Variants in CDKL5 observed in about 807,000 individuals in gnomAD.
CDKL5 encodes cyclin dependent kinase like 5.
CDKL5 carries 8 observed loss-of-function variants against 61.7 expected under a neutral mutation model. The observed-to-expected ratio is 0.13, with a 90% confidence interval of 0.08 to 0.23. The LOEUF is 0.23. CDKL5 is among the 10% of genes least tolerant of loss of function. CDKL5 has a pLI of 1.00. For missense variants in CDKL5, 440 were observed against 734.5 expected, an observed-to-expected ratio of 0.60 and a Z score of 4.63; for synonymous variants, 275 against 272.3, an observed-to-expected ratio of 1.01 and a Z score of -0.10.
At chrX:18,593,683 A>T (rs1925898259) in intron 9 of CDKL5, among the ~76,000 whole-genome samples, 1 of 111,861 alleles carries the variant, frequency 8.9e-6, no homozygotes, top group Non-Finnish European at 1.9e-5. Context: ...GAACTTTCTG[A>T]TTGTCACCTT....
At chrX:18,438,754 C>T (rs1412786863) in intron 1 of CDKL5, among the ~76,000 whole-genome samples, 3 of 101,439 alleles carry the variant, frequency 3.0e-5, no homozygotes, top group African/African-American at 1.1e-4. Context: ...TGCACCACTG[C>T]CCTCCAGCCT....
chrX:18,450,775 A>G (rs916939416), intron 1 of CDKL5, among the ~76,000 whole-genome samples: 4 of 110,326 alleles, frequency 3.6e-5, no homozygotes, highest in Non-Finnish European at 7.6e-5. Context: ...GCGTTTCACC[A>G]TGTTGGCCAG....
intron 10 of CDKL5, among the ~76,000 whole-genome samples, chrX:18,595,645 C>A (rs759316269): frequency 2.7e-5 from 3 of 111,423 alleles, no homozygotes; most frequent in Admixed American, 1.9e-4. Context: ...TCATGAGACC[C>A]CTAAATGACA....
At chrX:18,599,718 G>A (rs1926119030) in intron 11 of CDKL5, among the ~76,000 whole-genome samples, 1 of 112,353 alleles carries the variant, frequency 8.9e-6, no homozygotes, top group South Asian at 3.7e-4. Flanking sequence ...GTCTCCCCAT[G>A]TGCTGGAGTT....
chrX:18,450,649 A>G (rs1931991306), intron 1 of CDKL5, among the ~76,000 whole-genome samples: 1 of 110,807 alleles, frequency 9.0e-6, no homozygotes, highest in South Asian at 3.8e-4. Context: ...GTCTTGGCTC[A>G]CTGCAACCTC....
intron 4 of CDKL5, 137 bp from the exon 5 acceptor site, chrX:18,575,217 A>G (rs550797777): frequency 3.8e-6 from 2 of 521,512 alleles, no homozygotes; most frequent in Admixed American, 6.8e-5. Flanking sequence ...GTTATTTAAT[A>G]TTCCATTCTT....
chrX:18,533,126 GT>G (rs1179866168), intron 3 of CDKL5, among the ~76,000 whole-genome samples: 1 of 111,709 alleles, frequency 9.0e-6, no homozygotes, highest in Admixed American at 9.5e-5. Flanking sequence ...AATAAAATGT[GT>G]TTTAAAATGA....
At chrX:18,577,771 C>T (rs1925347938) in intron 5 of CDKL5, among the ~76,000 whole-genome samples, 1 of 111,787 alleles carries the variant, frequency 8.9e-6, no homozygotes, top group Admixed American at 9.5e-5. Flanking sequence ...AATATGTCTG[C>T]CACTGAGGAA....
chrX:18,646,663 C>T (rs1437976788), intron 20 of CDKL5, among the ~76,000 whole-genome samples: 1 of 111,580 alleles, frequency 9.0e-6, no homozygotes, highest in Non-Finnish European at 1.9e-5. Context: ...CACCTTGTCT[C>T]ACTTGTGCTT....
At chrX:18,440,392 T>G (rs953327958) in intron 1 of CDKL5, among the ~76,000 whole-genome samples, 6 of 112,270 alleles carry the variant, frequency 5.3e-5, no homozygotes, top group Non-Finnish European at 1.1e-4. Flanking sequence ...AGTCATATCT[T>G]CAGGCTCCTC....
At chrX:18,450,448 A>G (rs771530362) in intron 1 of CDKL5, among the ~76,000 whole-genome samples, 228 of 112,129 alleles carry the variant, frequency 2.0e-3, no homozygotes, top group Non-Finnish European at 3.7e-3. Context: ...CCTTAGACAA[A>G]AAGTTGTTTT....
At chrX:18,622,965 A>G (rs1001210836) in intron 16 of CDKL5, among the ~76,000 whole-genome samples, 1 of 112,035 alleles carries the variant, frequency 8.9e-6, no homozygotes, top group Non-Finnish European at 1.9e-5. Flanking sequence ...AAGATTACCT[A>G]AATACTTGAA....
intron 1 of CDKL5, among the ~76,000 whole-genome samples, chrX:18,447,119 C>T (rs1421573660): frequency 9.0e-6 from 1 of 111,232 alleles, no homozygotes; most frequent in Non-Finnish European, 1.9e-5. Context: ...TTGGTTGTCA[C>T]AATTGGGGGG....
chrX:18,604,255 G>A lies in CDKL5; in HGVS notation c.1331G>A (p.Arg444His), dbSNP rs867056809. ...TCAAACAGCAGATCTCAGCAGAACC[G>A]CCACTCATTCATGGAAAGCTCTCAA... ...LKSNSRSQQN[R>H]HSFMESSQSK... is the part of the protein sequence containing the mutation. Residue 444 changes from arginine (R) to histidine (H), a missense_variant, in exon 12 of 18, where the codon CGC becomes CAC. By Grantham distance (29) the Arg-to-His change is conservative (BLOSUM62 0). Transcript: ENST00000623535. 13 of 1,211,841 alleles carry A rather than the reference G, an allele frequency of 1.1e-5. No individual in the cohort carries two copies. The highest frequency in any genetic ancestry group is 1.3e-5 in the Non-Finnish European group (12 of 895,473).
At chrX:18,449,920 G>A (rs1470354050) in intron 1 of CDKL5, among the ~76,000 whole-genome samples, 5 of 110,351 alleles carry the variant, frequency 4.5e-5, no homozygotes, top group Non-Finnish European at 3.8e-5. Flanking sequence ...TCGGCCTTCC[G>A]AGTAGCTGGG....
Position 18,518,716 on chromosome X carries a change from T to C in CDKL5, c.99+7862T>C, listed in dbSNP as rs187779713. ...GCCCCAGCCCTAAAGTCATGTTTTC[T>C]GTTGTCAGGAAGTTTAACATATAGT... On this transcript the variant is annotated intron_variant, in intron 3 of 17. Coordinates refer to ENST00000623535, the MANE Select transcript of CDKL5 (RefSeq NM_001323289.2). 4.5e-5 allele frequency among the ~76,000 whole-genome samples: 5 copies of C among 110,440 alleles called. No individual in the cohort carries two copies. The East Asian group carries it at 1.4e-3, about 31-fold the overall frequency.
intron 14 of CDKL5, among the ~76,000 whole-genome samples, chrX:18,610,526 CTTTTTATTCTCATTGACT>C (rs1926516119): frequency 4.4e-5 from 5 of 112,838 alleles, no homozygotes; most frequent in Non-Finnish European, 9.4e-5. Flanking sequence ...GTGTTCTCTT[CTTTTTATTCTCATTGACT>C]AGTACACTGC....
intron 20 of CDKL5, chrX:18,647,544 T>C (rs1927837520): frequency 2.3e-6 from 1 of 435,015 alleles, no homozygotes; most frequent in Admixed American, 3.6e-5. Context: ...GGAATTGCCA[T>C]AGAGACTCAA....
intron 3 of CDKL5, among the ~76,000 whole-genome samples, chrX:18,559,740 G>A (rs1480794216): frequency 4.8e-5 from 5 of 103,426 alleles, no homozygotes; most frequent in Non-Finnish European, 9.8e-5. Flanking sequence ...CCATTAACTC[G>A]TCATTTAGCA....
Sources: gnomAD v4.1 joint callset for allele counts (sites outside exome capture counted in the v4.1 genomes callset) on GRCh38, gnomAD v4.1.1 for gene constraint, MANE v1.5 for transcripts, NCBI Gene and HGNC (gene_info 2026-07-23, HGNC 2026-07-21) for gene names.